The following CEP112 variants were observed in gnomAD, a reference collection of about 807,000 sequenced individuals.
CEP112 encodes the protein centrosomal protein 112.
In CEP112, 127 loss-of-function variants were observed where a neutral mutation model predicts 153.0. That is an observed-to-expected ratio of 0.83 (90% CI 0.72 to 0.96). The LOEUF is 0.96. CEP112 is among the 40% of genes least tolerant of loss of function. The pLI is 0.00. For synonymous variants in CEP112, 358 were observed against 374.4 expected (o/e 0.96, Z 0.51); for missense variants, 1,089 against 1,101.2 (o/e 0.99, Z 0.16).
intron 24 of CEP112, among the ~76,000 whole-genome samples, chr17:65,642,065 C>T (rs1262264412): frequency 1.3e-5 from 2 of 152,172 alleles, no homozygotes; most frequent in Non-Finnish European, 2.9e-5. Context: ...GAAGAAAAGC[C>T]TTTGGAAGAA....
At chr17:65,746,165 C>CAAAAAAAAAAAAAAAAAAAAAAAAA (rs56361589) in intron 22 of CEP112, among the ~76,000 whole-genome samples, 5 of 49,478 alleles carry the variant, frequency 1.0e-4, no homozygotes, top group African/African-American at 1.8e-4. Flanking sequence ...AACTCCATCT[C>CAAAAAAAAAAAAAAAAAAAAAAAAA]AAAAAAAAAA....
chr17:65,794,264 C>T (rs1017216801), intron 21 of CEP112, among the ~76,000 whole-genome samples: 3 of 152,232 alleles, frequency 2.0e-5, no homozygotes, highest in Admixed American at 6.5e-5. Flanking sequence ...CAAAATATTT[C>T]GCAAACCATA....
intron 21 of CEP112, among the ~76,000 whole-genome samples, chr17:65,811,413 A>G (rs539160967): frequency 3.3e-5 from 5 of 152,298 alleles, no homozygotes; most frequent in African/African-American, 1.2e-4. Context: ...ACTGAGTTAG[A>G]AATGTGGGGG....
At chr17:65,919,318 G>A (rs908550334) in intron 19 of CEP112, among the ~76,000 whole-genome samples, 6 of 152,068 alleles carry the variant, frequency 3.9e-5, no homozygotes, top group South Asian at 4.2e-4. Flanking sequence ...GCAGCCTCAG[G>A]AACCCCTGGC....
intron 18 of CEP112, among the ~76,000 whole-genome samples, chr17:65,954,188 A>T (rs1045525764): frequency 2.0e-5 from 3 of 152,194 alleles, no homozygotes; most frequent in African/African-American, 7.2e-5. Context: ...CTCTTTGCAG[A>T]CACTCCCCAG....
chr17:65,799,465 G>T (rs534025638), intron 21 of CEP112, among the ~76,000 whole-genome samples: 1 of 152,300 alleles, frequency 6.6e-6, no homozygotes, highest in African/African-American at 2.4e-5. Context: ...CAAGAAACTG[G>T]ATTTCATTTT....
chr17:66,171,012 G>GA (rs1485193957), intron 4 of CEP112, among the ~76,000 whole-genome samples: 1 of 152,028 alleles, frequency 6.6e-6, no homozygotes, highest in Non-Finnish European at 1.5e-5. Context: ...ATACTTGGTG[G>GA]AAAAAATAAA....
intron 4 of CEP112, among the ~76,000 whole-genome samples, chr17:66,171,814 C>A (rs2072252987): frequency 6.6e-6 from 1 of 151,526 alleles, no homozygotes; most frequent in African/African-American, 2.4e-5. Flanking sequence ...CATAAGATAC[C>A]CTGAGATATT....
At chr17:65,654,907 C>G in intron 24 of CEP112, 2 of 567,142 alleles carry the variant, frequency 3.5e-6, no homozygotes, top group Admixed American at 4.1e-5. Flanking sequence ...AGCAAAGACT[C>G]AGAAGAGGAA....
At chr17:66,186,480 G>A (rs552938656) in intron 1 of CEP112, among the ~76,000 whole-genome samples, 3 of 151,926 alleles carry the variant, frequency 2.0e-5, no homozygotes, top group East Asian at 1.9e-4. Flanking sequence ...TAGTAGAGAC[G>A]GCGTTTCACC....
chr17:66,150,542 C>T (rs2071163363), intron 4 of CEP112, among the ~76,000 whole-genome samples: 1 of 152,148 alleles, frequency 6.6e-6, no homozygotes, highest in Non-Finnish European at 1.5e-5. Context: ...CTGGAGTGTT[C>T]TTTATGTCTG....
intron 8 of CEP112, among the ~76,000 whole-genome samples, chr17:66,094,889 T>C (rs1339476854): frequency 6.6e-6 from 1 of 152,088 alleles, no homozygotes; most frequent in Non-Finnish European, 1.5e-5. Context: ...CCACCAGATA[T>C]ATGAAAAACT....
intron 19 of CEP112, among the ~76,000 whole-genome samples, chr17:65,910,515 A>AATAAGAAC (rs979108471): frequency 2.6e-5 from 4 of 152,212 alleles, no homozygotes; most frequent in Non-Finnish European, 5.9e-5. Context: ...AAGAGAACTT[A>AATAAGAAC]ATAAGAACAT....
chr17:65,748,667 C>T (rs1159287816), intron 22 of CEP112, among the ~76,000 whole-genome samples: 1 of 152,180 alleles, frequency 6.6e-6, no homozygotes, highest in Admixed American at 6.5e-5. Flanking sequence ...GTTAGTACTG[C>T]TCCTCCATTT....
chr17:65,648,052 C>T (rs1288521224), intron 24 of CEP112, among the ~76,000 whole-genome samples: 6 of 152,106 alleles, frequency 3.9e-5, no homozygotes, highest in Non-Finnish European at 8.8e-5. Context: ...AATTCATTAG[C>T]ATAAAGTGTC....
At chr17:65,997,801 AC>A (rs1568357136) in intron 17 of CEP112, among the ~76,000 whole-genome samples, 10 of 136,902 alleles carry the variant, frequency 7.3e-5, no homozygotes, top group Admixed American at 3.6e-4. Flanking sequence ...CCCCCCCCCC[AC>A]ACACACACAC....
intron 24 of CEP112, among the ~76,000 whole-genome samples, chr17:65,661,197 C>G (rs1424635976): frequency 6.6e-6 from 1 of 152,150 alleles, no homozygotes; most frequent in African/African-American, 2.4e-5. Flanking sequence ...TTCCTCTGAA[C>G]TGGCTAGAGA....
At chr17:66,036,944 T>C (rs1277700669) in intron 12 of CEP112, among the ~76,000 whole-genome samples, 1 of 152,194 alleles carries the variant, frequency 6.6e-6, no homozygotes, top group Non-Finnish European at 1.5e-5. Flanking sequence ...CAAGATAAGA[T>C]ATTTTTTAAT....
chr17:66,190,416 T>C (rs1249474696), intron 1 of CEP112, among the ~76,000 whole-genome samples: 2 of 152,204 alleles, frequency 1.3e-5, no homozygotes, highest in Non-Finnish European at 2.9e-5. Context: ...ATACCATTTA[T>C]CAGAATTGAA....
Sources: gnomAD v4.1 joint callset for allele counts (sites outside exome capture counted in the v4.1 genomes callset) on GRCh38, gnomAD v4.1.1 for gene constraint, MANE v1.5 for transcripts, NCBI Gene and HGNC (gene_info 2026-07-23, HGNC 2026-07-21) for gene names.